DNER: variants seen among roughly 807,000 people sequenced by gnomAD.
The protein encoded by DNER is delta and Notch-like epidermal growth factor-related receptor.
A neutral mutation model predicts 78.2 loss-of-function variants in DNER; 33 were observed. The observed-to-expected ratio is 0.42, with a 90% CI of 0.32 to 0.56. The LOEUF is 0.56. Among genes scored for constraint, DNER ranks in the 20% least tolerant of loss-of-function variants. The pLI is 0.11. For synonymous variants in DNER, 417 were observed against 384.8 expected (o/e 1.08, Z -0.98); for missense variants, 918 against 975.3 (o/e 0.94, Z 0.78).
intron 1 of DNER, among the ~76,000 whole-genome samples, chr2:229,639,390 G>A (rs536370945): frequency 1.3e-5 from 2 of 152,180 alleles, no homozygotes; most frequent in South Asian, 4.1e-4. Flanking sequence ...GAGTAGCTGG[G>A]ATTACAGGTG....
intron 4 of DNER, among the ~76,000 whole-genome samples, chr2:229,572,337 A>G (rs763887877): frequency 2.0e-5 from 3 of 151,960 alleles, no homozygotes; most frequent in East Asian, 3.9e-4. Flanking sequence ...TTGAATAGAC[A>G]CTCCTTGATC....
chr2:229,658,824 G>GA (rs1698956631), intron 1 of DNER, among the ~76,000 whole-genome samples: 1 of 152,058 alleles, frequency 6.6e-6, no homozygotes, highest in South Asian at 2.1e-4. Flanking sequence ...TGTCGATGCT[G>GA]AAAAAAGTAG....
At chr2:229,655,376 T>G (rs1414930778) in intron 1 of DNER, among the ~76,000 whole-genome samples, 1 of 152,078 alleles carries the variant, frequency 6.6e-6, no homozygotes, top group East Asian at 1.9e-4. Flanking sequence ...GAAAAGCATC[T>G]TTTAAAAACC....
At chr2:229,369,623 C>G (rs1692435736) in intron 11 of DNER, among the ~76,000 whole-genome samples, 1 of 152,142 alleles carries the variant, frequency 6.6e-6, no homozygotes, top group Admixed American at 6.5e-5. Flanking sequence ...GGCACATGCT[C>G]TGAGCTGAGG....
Position 229,589,365 on chromosome 2 carries a change from A to G in DNER, c.586-877T>C, listed in dbSNP as rs964561624. On this transcript the variant is annotated intron_variant, in intron 2 of 12. Transcript: ENST00000341772. ...CCCTACAATCAGATTCTATGGATTA[A>G]GCCCACCACTGATATTCAAAGATGT... Among the ~76,000 whole-genome samples, 3 of 152,248 alleles carry G rather than the reference A, an allele frequency of 2.0e-5. No individual in the cohort carries two copies. The South Asian group carries it at 6.2e-4, about 31-fold the overall frequency.
At position 229,369,702 on chromosome 2, in the gene DNER, C is replaced by T. The variant is rs144257086; in HGVS notation, c.1856-2583G>A. Reference sequence around the variant, plus strand: ...GTATTAGCAGGAAAAACTGGAAGGACACAATGTAATCTCTGTGATTGGCGT... The same window carrying T: ...GTATTAGCAGGAAAAACTGGAAGGATACAATGTAATCTCTGTGATTGGCGT... On this transcript the variant is annotated intron_variant, in intron 11 of 12. Transcript: ENST00000341772. Among the ~76,000 whole-genome samples the T allele has an allele frequency of 4.0e-4, 61 of 152,270 alleles. 1 individual carries two copies. Among genetic ancestry groups the T allele is most frequent in the African/African-American group, 1.3e-3 (54 of 41,548 alleles).
intron 7 of DNER, among the ~76,000 whole-genome samples, chr2:229,454,523 C>T (rs190739103): frequency 8.6e-5 from 13 of 152,016 alleles, no homozygotes; most frequent in Non-Finnish European, 1.6e-4. Context: ...AAATATAATG[C>T]AGGATGAGAA....
chr2:229,418,076 T>C (rs758994006), intron 9 of DNER, 32 bp downstream of exon 9: 2 of 1,613,898 alleles, frequency 1.2e-6, no homozygotes, highest in African/African-American at 2.7e-5. Flanking sequence ...TTTAGAGCCA[T>C]TCTGGCACAG....
chr2:229,680,822 C>G (rs1559207004), intron 1 of DNER, among the ~76,000 whole-genome samples: 1 of 152,126 alleles, frequency 6.6e-6, no homozygotes, highest in African/African-American at 2.4e-5. Flanking sequence ...AATTTGAAAA[C>G]CATATAGAGA....
Position 229,696,723 on chromosome 2 carries a change from A to G in DNER, c.276+17425T>C, listed in dbSNP as rs551032617. ...GGAGGTACAGGAGGCTGGGCCTTAC[A>G]TGAAGAGACAAGGGATTTGAGCCAG... On this transcript the variant is annotated intron_variant, in intron 1 of 12. Coordinates refer to ENST00000341772, the MANE Select transcript of DNER (RefSeq NM_139072.4). Among the ~76,000 whole-genome samples the G allele has an allele frequency of 1.1e-4, 17 of 152,312 alleles. No individual in the cohort carries two copies. The South Asian group carries it at 3.5e-3, about 32-fold the overall frequency.
chr2:229,426,005 T>G (rs1416537353), intron 8 of DNER, among the ~76,000 whole-genome samples: 1 of 152,174 alleles, frequency 6.6e-6, no homozygotes. Context: ...TGAAGAGTGG[T>G]TCCTTTAATG....
At chr2:229,371,697 G>A (rs1692487407) in intron 11 of DNER, among the ~76,000 whole-genome samples, 1 of 152,170 alleles carries the variant, frequency 6.6e-6, no homozygotes, top group Non-Finnish European at 1.5e-5. Flanking sequence ...GCCAAAAAGA[G>A]ACTCCAGTCA....
intron 10 of DNER, among the ~76,000 whole-genome samples, chr2:229,393,383 G>A (rs528769245): frequency 3.3e-5 from 5 of 152,018 alleles, no homozygotes; most frequent in South Asian, 2.1e-4. Context: ...CTGAGATCAC[G>A]CCACTGTACT....
rs555463534 is a variant in DNER, at chr2:229,391,262, A to G, written c.1724-2866T>C. ...ACACCACAACATTCCATTCTCAATC[A>G]ATATTCGTTTTAACTTATTTTATTA... On this transcript the variant is annotated intron_variant, in intron 10 of 12. Coordinates refer to ENST00000341772, the MANE Select transcript of DNER (RefSeq NM_139072.4). Among the ~76,000 whole-genome samples, 4 of 152,338 alleles carry G rather than the reference A, an allele frequency of 2.6e-5. No individual in the cohort carries two copies. The South Asian group carries it at 8.3e-4, about 32-fold the overall frequency.
At position 229,706,305 on chromosome 2, in the gene DNER, C is replaced by T. The variant is rs566214672; in HGVS notation, c.276+7843G>A. On this transcript the variant is annotated intron_variant, in intron 1 of 12. Coordinates refer to ENST00000341772, the MANE Select transcript of DNER (RefSeq NM_139072.4). ...GTGGCTCATGCCTGTAATTCCAACACACTGGGAGGCTGAGATGGGTGGATC... is the reference window on the plus strand; with the variant it reads ...GTGGCTCATGCCTGTAATTCCAACATACTGGGAGGCTGAGATGGGTGGATC... Among the ~76,000 whole-genome samples the T allele has an allele frequency of 5.3e-5, 8 of 151,582 alleles. No individual in the cohort carries two copies. In the South Asian group the frequency reaches 1.7e-3, roughly 32 times the overall value.
At chr2:229,433,971 A>G (rs1387305966) in intron 8 of DNER, among the ~76,000 whole-genome samples, 1 of 152,256 alleles carries the variant, frequency 6.6e-6, no homozygotes, top group Non-Finnish European at 1.5e-5. Flanking sequence ...AGAAAAAAGC[A>G]TAAACAATCT....
chr2:229,608,977 C>G (rs1395554931), intron 1 of DNER, among the ~76,000 whole-genome samples: 1 of 152,146 alleles, frequency 6.6e-6, no homozygotes, highest in Non-Finnish European at 1.5e-5. Context: ...AATTGCAGCA[C>G]TTTGGGAGGC....
rs558942866 is a variant in DNER, at chr2:229,438,756, G to A, written c.1486+8560C>T. ...TCTGGTTAGAATACCTAATGGGTAC[G>A]ATGTACATTATTTGAGTAATGGCTA... On this transcript the variant is annotated intron_variant, in intron 8 of 12. Coordinates refer to ENST00000341772, the MANE Select transcript of DNER (RefSeq NM_139072.4). 2.6e-5 allele frequency among the ~76,000 whole-genome samples: 4 copies of A among 152,232 alleles called. No homozygotes were observed. The East Asian group carries it at 5.8e-4, about 22-fold the overall frequency.
intron 8 of DNER, among the ~76,000 whole-genome samples, chr2:229,435,621 C>T (rs1694106830): frequency 6.6e-6 from 1 of 152,138 alleles, no homozygotes; most frequent in Non-Finnish European, 1.5e-5. Context: ...AATAGTACCA[C>T]CAGGTACTAC....
Sources: allele counts gnomAD v4.1 joint callset (sites outside exome capture counted in the v4.1 genomes callset), GRCh38; gene constraint gnomAD v4.1.1; transcripts MANE v1.5; gene names NCBI Gene and HGNC (gene_info 2026-07-23, HGNC 2026-07-21).